The following AK4 variants were observed in gnomAD, a reference collection of about 807,000 sequenced individuals.
AK4 encodes adenylate kinase 4, also known as adenylate kinase 4, mitochondrial.
Under a neutral mutation model 24.6 loss-of-function variants are expected in AK4, and 13 were observed. The observed-to-expected ratio is 0.53, with a 90% CI of 0.34 to 0.84. The LOEUF (loss-of-function observed/expected upper bound fraction) is 0.84. Among genes scored for constraint, AK4 ranks in the 40% least tolerant of loss-of-function variants. AK4 has a pLI of 0.01. For missense variants in AK4, 192 were observed against 288.2 expected (o/e 0.67, Z 2.42); for synonymous variants, 88 against 107.0 (o/e 0.82, Z 1.10).
At chr1:65,154,625 A>G in intron 1 of AK4, 2 of 490,676 alleles carry the variant, frequency 4.1e-6, no homozygotes, top group South Asian at 1.5e-5. Flanking sequence ...TACGCGAACG[A>G]TATCAGTTTT....
Position 65,226,136 on chromosome 1 carries a change from T to G in AK4, c.631T>G (p.Ser211Ala). The G allele has an allele frequency of 6.2e-7, 1 of 1,610,862 alleles. No homozygotes were observed. The highest frequency in any genetic ancestry group is 1.1e-5 in the South Asian group (1 of 90,662). Residue 211 changes from serine to alanine, a missense_variant, in exon 5 of 5, where the codon TCA becomes GCA. Transcript: ENST00000327299. ...KIWPYVYTLFSNKITPIQSKE... is the reference protein window; with the variant it reads ...KIWPYVYTLFANKITPIQSKE... ...CTGGCCCTACGTTTACACACTTTTC[T>G]CAAACAAGATCACACCTATTCAGTC... is the stretch of plus-strand genomic sequence containing the variant.
intron 1 of AK4, among the ~76,000 whole-genome samples, chr1:65,164,757 A>G (rs1275385697): frequency 2.6e-5 from 4 of 152,200 alleles, no homozygotes; most frequent in African/African-American, 9.6e-5. Flanking sequence ...TGAAGTCCAG[A>G]TGATCTATTT....
At chr1:65,152,328 CT>C (rs1370720487) in intron 1 of AK4, among the ~76,000 whole-genome samples, 1,129 of 32,518 alleles carry the variant, frequency 0.035, 12 homozygotes, top group African/African-American at 0.093. Context: ...CTCTCTCTCT[CT>C]CTCTCTCTCT....
intron 2 of AK4, among the ~76,000 whole-genome samples, chr1:65,209,677 T>C (rs1424830265): frequency 6.6e-6 from 1 of 152,208 alleles, no homozygotes; most frequent in Non-Finnish European, 1.5e-5. Context: ...GAGACACAGA[T>C]GTAGATCAAT....
Position 65,193,172 on chromosome 1 carries a change from G to A in AK4, c.265+2343G>A, listed in dbSNP as rs75094719. ...AGATTTCTGCCTGGGCCTACCAGGG[G>A]CATTCATTGAAATCTAGGTGGAGGA... On this transcript the variant is annotated intron_variant, in intron 2 of 4. Coordinates refer to ENST00000327299, the MANE Select transcript of AK4 (RefSeq NM_013410.4). Among the ~76,000 whole-genome samples, 917 of 152,294 alleles carry A rather than the reference G, an allele frequency of 6.0e-3. 10 individuals carry two copies. The highest frequency in any genetic ancestry group is 0.021 in the African/African-American group (882 of 41,566).
intron 1 of AK4, among the ~76,000 whole-genome samples, chr1:65,185,998 A>G (rs59315568): frequency 0.024 from 3,671 of 152,222 alleles, 152 homozygotes; most frequent in African/African-American, 0.083. Flanking sequence ...AGGTTGGGCC[A>G]TATTTGATTT....
chr1:65,189,648 T>C (rs2101039415), intron 1 of AK4, among the ~76,000 whole-genome samples: 1 of 139,186 alleles, frequency 7.2e-6, no homozygotes, highest in South Asian at 2.3e-4. Flanking sequence ...GTAAAACACA[T>C]ACGCGTGCAC....
chr1:65,204,818 A>G (rs899875574), intron 2 of AK4, among the ~76,000 whole-genome samples: 1 of 152,174 alleles, frequency 6.6e-6, no homozygotes. Context: ...TCTTCTGCAA[A>G]TGTAATTCCT....
intron 1 of AK4, among the ~76,000 whole-genome samples, chr1:65,148,809 C>T (rs565871739): frequency 6.6e-6 from 1 of 152,256 alleles, no homozygotes; most frequent in Admixed American, 6.5e-5. Context: ...GAGGAATAGC[C>T]CGAGCCACCC....
chr1:65,170,909 A>G (rs987088935), intron 1 of AK4, among the ~76,000 whole-genome samples: 2 of 149,008 alleles, frequency 1.3e-5, no homozygotes, highest in African/African-American at 4.9e-5. Flanking sequence ...TCTCCTTGTT[A>G]GGGTGTCATT....
At chr1:65,180,800 ATGTGTGTG>A (rs1650876694) in intron 1 of AK4, among the ~76,000 whole-genome samples, 5 of 152,164 alleles carry the variant, frequency 3.3e-5, no homozygotes, top group Admixed American at 2.0e-4. Context: ...AGATGCGTGT[ATGTGTGTG>A]CGCAGGTGCG....
upstream of AK4, chr1:65,148,192 G>A (rs1008123672): frequency 9.9e-7 from 1 of 1,006,116 alleles, no homozygotes; most frequent in African/African-American, 1.7e-5. Flanking sequence ...GGGAGGTGTA[G>A]CGTGGCGCTC....
chr1:65,173,965 C>G (rs1323839883), intron 1 of AK4, among the ~76,000 whole-genome samples: 1 of 152,060 alleles, frequency 6.6e-6, no homozygotes, highest in African/African-American at 2.4e-5. Context: ...ATGTTAGACA[C>G]CGGTGTCCTA....
At chr1:65,193,631 G>C (rs921954731) in intron 2 of AK4, among the ~76,000 whole-genome samples, 1 of 152,176 alleles carries the variant, frequency 6.6e-6, no homozygotes, top group Non-Finnish European at 1.5e-5. Context: ...GGAAGGGATT[G>C]GTTCCAGGAC....
At chr1:65,203,577 G>T (rs1651728781) in intron 2 of AK4, among the ~76,000 whole-genome samples, 1 of 152,128 alleles carries the variant, frequency 6.6e-6, no homozygotes, top group Admixed American at 6.5e-5. Context: ...GACGAGGTGG[G>T]TGGATCACTT....
intron 1 of AK4, among the ~76,000 whole-genome samples, chr1:65,152,749 C>T (rs1374600923): frequency 6.6e-6 from 1 of 152,056 alleles, no homozygotes; most frequent in Non-Finnish European, 1.5e-5. Context: ...GCTGATGGGA[C>T]TAGCATTTCA....
chr1:65,201,419 G>A (rs577761328), intron 2 of AK4, among the ~76,000 whole-genome samples: 2 of 152,294 alleles, frequency 1.3e-5, no homozygotes, highest in South Asian at 4.1e-4. Context: ...TCTTATGTGT[G>A]TCTCAGAGAT....
Position 65,182,389 on chromosome 1 carries a change from C to G in AK4, c.146-8321C>G, listed in dbSNP as rs570251050. On this transcript the variant is annotated intron_variant, in intron 1 of 4. Transcript: ENST00000327299. ...ATGATCTGGGGTGAAACAGGAGTAG[C>G]TCTCTCATAGGTTACTGCACAGCTG... Among the ~76,000 whole-genome samples the G allele has an allele frequency of 3.3e-5, 5 of 152,208 alleles. No individual in the cohort carries two copies. In the South Asian group the frequency reaches 1.0e-3, roughly 32 times the overall value.
intron 2 of AK4, among the ~76,000 whole-genome samples, chr1:65,207,410 G>A (rs982254805): frequency 1.6e-4 from 24 of 151,992 alleles, no homozygotes; most frequent in African/African-American, 5.6e-4. Context: ...CTTAAACCCT[G>A]GGATCTATAA....
Sources: allele counts gnomAD v4.1 joint callset (sites outside exome capture counted in the v4.1 genomes callset), GRCh38; gene constraint gnomAD v4.1.1; transcripts MANE v1.5; gene names NCBI Gene and HGNC (gene_info 2026-07-23, HGNC 2026-07-21).